Variants in PKD1L1 observed in about 807,000 individuals in gnomAD.
PKD1L1 encodes polycystin-1-like protein 1.
Under a neutral mutation model 323.4 loss-of-function variants are expected in PKD1L1, and 236 were observed. The observed-to-expected ratio is 0.73, with a 90% CI of 0.66 to 0.81. The LOEUF is 0.81. PKD1L1 is among the 40% of genes least tolerant of loss of function. The pLI is 0.00. For synonymous variants in PKD1L1, 1,344 were observed against 1,335.0 expected (o/e 1.01, Z -0.15); for missense variants, 3,320 against 3,508.0 (o/e 0.95, Z 1.35).
Position 47,813,204 on chromosome 7 carries a change from G to C in PKD1L1, c.7263C>G (p.Asp2421Glu). The C allele has an allele frequency of 6.2e-7, 1 of 1,614,212 alleles. No individual in the cohort carries two copies. The highest frequency in any genetic ancestry group is 8.5e-7 in the Non-Finnish European group (1 of 1,180,040). The change falls in exon 49 of 57, where the codon GAC becomes GAG. Residue 2421 changes from aspartate (D) to glutamate (E), a missense_variant. By Grantham distance (45) the Asp-to-Glu change is conservative. Coordinates refer to ENST00000289672, the MANE Select transcript of PKD1L1 (RefSeq NM_138295.5). ...VGGPENPYLI[D>E]PENQNVTLNG... ...TCAGGGTCACGTTTTGGTTCTCTGG[G>C]TCTATCAGGTAGGGGTTCTCAGGGC...
intron 24 of PKD1L1, among the ~76,000 whole-genome samples, chr7:47,872,431 T>C (rs917390301): frequency 9.9e-5 from 15 of 152,218 alleles, no homozygotes; most frequent in African/African-American, 3.4e-4. Flanking sequence ...AGTACTGGTA[T>C]GAGAAGAGAC....
chr7:47,900,445 A>G (rs1314430591), intron 13 of PKD1L1, among the ~76,000 whole-genome samples: 3 of 152,230 alleles, frequency 2.0e-5, no homozygotes, highest in Non-Finnish European at 2.9e-5. Context: ...GTAGTGATAG[A>G]AAACCGGAAA....
chr7:47,781,394 T>TTTG (rs1554390107), intron 56 of PKD1L1, among the ~76,000 whole-genome samples: 1 of 81,322 alleles, frequency 1.2e-5, no homozygotes, highest in Non-Finnish European at 2.6e-5. Flanking sequence ...AAGGTTTTTT[T>TTTG]TTTTGTTTTG....
intron 7 of PKD1L1, among the ~76,000 whole-genome samples, chr7:47,916,663 A>ACAAC (rs1787435238): frequency 6.6e-6 from 1 of 152,224 alleles, no homozygotes; most frequent in Admixed American, 6.5e-5. Flanking sequence ...CTCTGTGCAG[A>ACAAC]CAACCCCCAG....
At chr7:47,827,227 C>T (rs1785254165) in intron 45 of PKD1L1, 123 bp downstream of exon 45, 13 of 846,118 alleles carry the variant, frequency 1.5e-5, no homozygotes, top group Non-Finnish European at 1.8e-6. Flanking sequence ...CAAGGTGGTC[C>T]CCACCTCCAC....
chr7:47,862,433 T>G (rs891043771), intron 26 of PKD1L1, among the ~76,000 whole-genome samples: 6 of 152,164 alleles, frequency 3.9e-5, no homozygotes, highest in African/African-American at 1.4e-4. Context: ...CCCCCGTTCC[T>G]GTATCCATTG....
intron 7 of PKD1L1, among the ~76,000 whole-genome samples, chr7:47,920,303 A>AC (rs1008336146): frequency 2.8e-4 from 43 of 151,514 alleles, no homozygotes; most frequent in African/African-American, 1.0e-3. Context: ...AAAAACAAAA[A>AC]AAAAAAACCA....
At chr7:47,810,542 C>G (rs906025575) in intron 50 of PKD1L1, among the ~76,000 whole-genome samples, 2 of 146,944 alleles carry the variant, frequency 1.4e-5, no homozygotes, top group African/African-American at 5.0e-5. Context: ...CCCTCCATTG[C>G]GCCCACACCA....
chr7:47,887,981 C>T lies in PKD1L1; in HGVS notation c.2836+9G>A. ...CAGAAAACAAAATAAAGCTATTAAT[C>T]CTTTTTACCTTCTATCCTATTCTTT... On this transcript the variant is annotated intron_variant, in intron 17 of 56. Transcript: ENST00000289672. The T allele has an allele frequency of 1.2e-6, 2 of 1,600,274 alleles. No homozygotes were observed. The highest frequency in any genetic ancestry group is 1.7e-4 in the Middle Eastern group (1 of 6,008).
Position 47,946,568 on chromosome 7 carries a change from T to C in PKD1L1, c.44+1829A>G, listed in dbSNP as rs1420739327. Among the ~76,000 whole-genome samples, 1 of 148,948 alleles carries C rather than the reference T, an allele frequency of 6.7e-6. No homozygotes were observed. The highest frequency in any genetic ancestry group is 1.5e-5 in the Non-Finnish European group (1 of 67,192). ...CACACACATCACACAGCACACACCA[T>C]GTATCACACACACACCATACCCCAC... On this transcript the variant is annotated intron_variant, in intron 1 of 56. Transcript: ENST00000289672. The surrounding 1 kb of genome is among the most constrained non-coding windows in gnomAD (Gnocchi z 4.1).
intron 19 of PKD1L1, among the ~76,000 whole-genome samples, chr7:47,883,691 T>A (rs1786615543): frequency 6.6e-6 from 1 of 152,204 alleles, no homozygotes; most frequent in African/African-American, 2.4e-5. Context: ...GGAGAAGCCG[T>A]GCAGTTGGAA....
In PKD1L1 at chr7:47,880,777, C is replaced by T. The variant is rs1786535600; in HGVS notation, c.3471G>A (p.Lys1157=). 2 of 1,607,906 alleles carry T rather than the reference C, an allele frequency of 1.2e-6. No individual in the cohort carries two copies. The highest frequency in any genetic ancestry group is 1.7e-6 in the Non-Finnish European group (2 of 1,176,454). Residue 1157 remains lysine (K), a synonymous_variant, in exon 21 of 57, where the codon AAG becomes AAA. Transcript: ENST00000289672. ...TCTCTCCACTGCTCAGAGAGTATGG[C>T]TTGATTGTCACTGTCTGTTCTGTAA... ...SGITEQTVTI[K]PYSLSSGETY...
intron 13 of PKD1L1, among the ~76,000 whole-genome samples, chr7:47,900,693 A>AC (rs1787067541): frequency 6.6e-6 from 1 of 152,178 alleles, no homozygotes; most frequent in African/African-American, 2.4e-5. Context: ...ATGCCATTGC[A>AC]CTTCAGCCTG....
intron 26 of PKD1L1, 43 bp downstream of exon 26, chr7:47,865,173 T>C (rs1786135438): frequency 6.8e-7 from 1 of 1,469,990 alleles, no homozygotes; most frequent in South Asian, 1.2e-5. Flanking sequence ...CCCTCAAAAC[T>C]ATATAAAATA....
chr7:47,829,515 A>G lies in PKD1L1; in HGVS notation c.6645T>C (p.Asp2215=). ...FTESLCEATR[D]LDSELAERSW... is the part of the protein sequence containing the mutation. Reference sequence around the variant, plus strand: ...AACGTTCTGCCAATTCAGAGTCCAGATCCCTGGTAGCCTCACATAAAGACT... The same window carrying G: ...AACGTTCTGCCAATTCAGAGTCCAGGTCCCTGGTAGCCTCACATAAAGACT... Residue 2215 remains aspartate (D), a synonymous_variant, in exon 44 of 57, where the codon GAT becomes GAC. Transcript: ENST00000289672. 6.2e-7 allele frequency: 1 copy of G among 1,614,140 alleles called. No individual in the cohort carries two copies. Among genetic ancestry groups the G allele is most frequent in the South Asian group, 1.1e-5 (1 of 91,078 alleles).
chr7:47,949,556 C>G (rs10268347), upstream of PKD1L1, among the ~76,000 whole-genome samples: 7,321 of 152,102 alleles, frequency 0.048, 567 homozygotes, highest in African/African-American at 0.17. Context: ...TTGTTTGCAA[C>G]TGGCGGGTCA....
At chr7:47,788,268 T>C (rs1786856588) in intron 56 of PKD1L1, among the ~76,000 whole-genome samples, 1 of 151,178 alleles carries the variant, frequency 6.6e-6, no homozygotes. Flanking sequence ...ATATTCTTTT[T>C]TTATTTATTA....
intron 37 of PKD1L1, among the ~76,000 whole-genome samples, chr7:47,836,362 T>C (rs879406439): frequency 7.9e-5 from 12 of 152,128 alleles, no homozygotes; most frequent in Non-Finnish European, 1.3e-4. Context: ...GATGTTGTCG[T>C]AGTAAACAAG....
intron 19 of PKD1L1, among the ~76,000 whole-genome samples, chr7:47,884,046 G>A (rs1194817070): frequency 1.3e-5 from 2 of 152,180 alleles, no homozygotes; most frequent in African/African-American, 4.8e-5. Flanking sequence ...AGCTGGCCAT[G>A]GAAGCTTTCC....
Sources: allele counts gnomAD v4.1 joint callset (sites outside exome capture counted in the v4.1 genomes callset), GRCh38; gene constraint gnomAD v4.1.1; non-coding constraint Gnocchi (gnomAD v3.1); transcripts MANE v1.5; gene names NCBI Gene and HGNC (gene_info 2026-07-23, HGNC 2026-07-21).